The following POU2F1 variants were observed in gnomAD, a reference collection of about 807,000 sequenced individuals.
POU2F1 encodes the protein POU class 2 homeobox 1.
POU2F1 carries 16 observed loss-of-function variants against 84.9 expected under a neutral mutation model. The ratio of observed to expected loss-of-function variants is 0.19; its 90% CI spans 0.13 to 0.29. The LOEUF (loss-of-function observed/expected upper bound fraction) is 0.29, where lower values mean the gene tolerates loss of function less well. Ranked by LOEUF, POU2F1 falls within the 10% of genes least tolerant of loss-of-function variation. POU2F1 has a pLI of 1.00. For missense variants in POU2F1, 738 were observed against 942.6 expected (o/e 0.78, Z 2.84); for synonymous variants, 368 against 368.3 (o/e 1.00, Z 0.01).
Position 167,425,224 on chromosome 1 carries a change from CTTTG to C in POU2F1, c.*9418_*9421del, listed in dbSNP as rs1254861495. 2 of 147,398 alleles carry C rather than the reference CTTTG, an allele frequency of 1.4e-5. No homozygotes were observed. Among genetic ancestry groups the C allele is most frequent in the Non-Finnish European group, 2.9e-5 (2 of 67,964 alleles). The allele number at this position is 147,398 out of a possible 1,614,324, so 9.1% of individuals were successfully genotyped here. On this transcript the variant is annotated 3_prime_UTR_variant, in exon 16 of 16. Coordinates refer to ENST00000367866, the MANE Select transcript of POU2F1 (RefSeq NM_002697.4). ...GCTATAAGCCAGGGGAGGGTGGTTT[CTTTG>C]TTTTGTTTTGTTTTGTTTTGTTTTT...
At chr1:167,328,677 C>T (rs1557898364) in intron 1 of POU2F1, among the ~76,000 whole-genome samples, 1 of 152,136 alleles carries the variant, frequency 6.6e-6, no homozygotes, top group Non-Finnish European at 1.5e-5. Context: ...GTCCAAGAAG[C>T]CAGGCCATTG....
At chr1:167,222,017 G>GC (rs1056490629) in intron 1 of POU2F1, among the ~76,000 whole-genome samples, 18 of 151,996 alleles carry the variant, frequency 1.2e-4, no homozygotes, top group South Asian at 4.1e-4. Context: ...CCTCCCCGCT[G>GC]CCCCCCCTCC....
chr1:167,411,920 T>C, intron 13 of POU2F1, 39 bp from the exon 14 acceptor site: 7 of 1,557,036 alleles, frequency 4.5e-6, no homozygotes, highest in Non-Finnish European at 5.2e-6. Context: ...TCCAAAACCA[T>C]TTACAAAAGG....
intron 1 of POU2F1, among the ~76,000 whole-genome samples, chr1:167,239,348 A>G (rs930525266): frequency 6.6e-6 from 1 of 152,232 alleles, no homozygotes; most frequent in Non-Finnish European, 1.5e-5. Context: ...CCATGCTATC[A>G]AGACATAGTT....
intron 2 of POU2F1, among the ~76,000 whole-genome samples, chr1:167,352,761 G>GTATA (rs1658664463): frequency 6.6e-6 from 1 of 152,134 alleles, no homozygotes; most frequent in South Asian, 2.1e-4. Context: ...CTTTTACTTA[G>GTATA]TATAGCGGGC....
Position 167,383,869 on chromosome 1 carries a change from C to A in POU2F1, c.731C>A (p.Ala244Glu). The A allele has an allele frequency of 6.2e-7, 1 of 1,613,488 alleles. No individual in the cohort carries two copies. The highest frequency in any genetic ancestry group is 8.5e-7 in the Non-Finnish European group (1 of 1,179,624). The change falls in exon 8 of 16, where the codon GCG becomes GAG. Residue 244 changes from alanine (A) to glutamate (E), a missense_variant. Transcript: ENST00000367866. ...TPQGQQGLLQ[A>E]QNLLTQLPQQ... is the part of the protein sequence containing the mutation. Reference sequence around the variant, plus strand: ...TTTTCTTCTACAGGTCTCCTGCAAGCGCAAAATCTTCTAACGCAACTACCT... The same window carrying A: ...TTTTCTTCTACAGGTCTCCTGCAAGAGCAAAATCTTCTAACGCAACTACCT...
chr1:167,254,743 C>T (rs1343433210), intron 1 of POU2F1, among the ~76,000 whole-genome samples: 1 of 152,086 alleles, frequency 6.6e-6, no homozygotes, highest in East Asian at 1.9e-4. Context: ...TTCATTTGTT[C>T]GTTTCTCTAT....
At chr1:167,225,587 G>T (rs1648570567) in intron 1 of POU2F1, among the ~76,000 whole-genome samples, 1 of 152,216 alleles carries the variant, frequency 6.6e-6, no homozygotes, top group African/African-American at 2.4e-5. Flanking sequence ...ATGTTTAATA[G>T]ACCCTTGAAT....
At chr1:167,258,595 G>A (rs923563259) in intron 1 of POU2F1, among the ~76,000 whole-genome samples, 1 of 152,204 alleles carries the variant, frequency 6.6e-6, no homozygotes, top group Non-Finnish European at 1.5e-5. Flanking sequence ...AGGAGGACCT[G>A]TGTAAGCTGT....
At chr1:167,318,014 T>G (rs762604009) in intron 1 of POU2F1, among the ~76,000 whole-genome samples, 3 of 152,226 alleles carry the variant, frequency 2.0e-5, no homozygotes, top group Non-Finnish European at 4.4e-5. Flanking sequence ...TTTTATCCAT[T>G]TTAATGGGTT....
intron 4 of POU2F1, 124 bp from the exon 5 acceptor site, chr1:167,371,793 G>A (rs1660016539): frequency 1.5e-6 from 2 of 1,325,420 alleles, no homozygotes; most frequent in Non-Finnish European, 2.1e-6. Context: ...AAAGAAAGGA[G>A]GTAAACCAGA....
intron 7 of POU2F1, among the ~76,000 whole-genome samples, chr1:167,376,815 G>T (rs34769146): frequency 0.012 from 1,850 of 151,956 alleles, 15 homozygotes; most frequent in South Asian, 0.026. Context: ...AAAATCTTTT[G>T]TCATGAAATA....
At chr1:167,355,075 G>A (rs1461362190) in intron 2 of POU2F1, among the ~76,000 whole-genome samples, 1 of 151,190 alleles carries the variant, frequency 6.6e-6, no homozygotes, top group Non-Finnish European at 1.5e-5. Context: ...CTTTCCCAAG[G>A]TTAGAATGAT....
intron 9 of POU2F1, among the ~76,000 whole-genome samples, chr1:167,392,115 C>T (rs1648462400): frequency 1.3e-5 from 2 of 151,952 alleles, no homozygotes; most frequent in African/African-American, 4.8e-5. Context: ...TTTGGGAGGC[C>T]GAGGCAGGTG....
intron 1 of POU2F1, among the ~76,000 whole-genome samples, chr1:167,284,369 A>G (rs1217515182): frequency 6.6e-6 from 1 of 152,210 alleles, no homozygotes; most frequent in Non-Finnish European, 1.5e-5. Flanking sequence ...CTGATAGACC[A>G]TGCTGCATCT....
At chr1:167,306,999 T>G (rs1305763959) in intron 1 of POU2F1, among the ~76,000 whole-genome samples, 1 of 152,214 alleles carries the variant, frequency 6.6e-6, no homozygotes, top group Non-Finnish European at 1.5e-5. Context: ...CATAGCACAT[T>G]GTAGTGCCAC....
intron 1 of POU2F1, among the ~76,000 whole-genome samples, chr1:167,324,589 T>C (rs1015391062): frequency 5.3e-5 from 8 of 152,322 alleles, no homozygotes; most frequent in African/African-American, 1.9e-4. Flanking sequence ...TCTCATGGGA[T>C]AAGAATTTTT....
chr1:167,235,924 A>G (rs534329736), intron 1 of POU2F1, among the ~76,000 whole-genome samples: 1 of 152,182 alleles, frequency 6.6e-6, no homozygotes, highest in Non-Finnish European at 1.5e-5. Flanking sequence ...TTAACAGAAT[A>G]TACACACTTA....
intron 1 of POU2F1, among the ~76,000 whole-genome samples, chr1:167,262,149 G>A (rs767215995): frequency 2.0e-5 from 3 of 152,122 alleles, no homozygotes; most frequent in Non-Finnish European, 4.4e-5. Context: ...TACAGTGCAG[G>A]TGTTCAATAA....
Sources: allele counts gnomAD v4.1 joint callset (sites outside exome capture counted in the v4.1 genomes callset), GRCh38; gene constraint gnomAD v4.1.1; transcripts MANE v1.5; gene names NCBI Gene and HGNC (gene_info 2026-07-23, HGNC 2026-07-21).